Variants in LYPD6 observed in about 807,000 individuals in gnomAD.
LYPD6 encodes ly6/PLAUR domain-containing protein 6.
Under a neutral mutation model 22.7 loss-of-function variants are expected in LYPD6, and 15 were observed. The ratio of observed to expected loss-of-function variants is 0.66; its 90% CI spans 0.44 to 1.02. The LOEUF (loss-of-function observed/expected upper bound fraction) is 1.02, where lower values mean the gene tolerates loss of function less well. LYPD6 is among the 50% of genes least tolerant of loss of function. LYPD6 has a pLI of 0.00. For synonymous variants in LYPD6, 72 were observed against 77.5 expected (o/e 0.93, Z 0.37); for missense variants, 189 against 208.4 (o/e 0.91, Z 0.57).
At chr2:149,333,930 G>C (rs1174334840) in intron 1 of LYPD6, among the ~76,000 whole-genome samples, 1 of 152,160 alleles carries the variant, frequency 6.6e-6, no homozygotes, top group East Asian at 1.9e-4. Context: ...AGTATAATCA[G>C]TCTCTAAAAG....
chr2:149,459,243 A>G (rs1234429817), intron 3 of LYPD6, among the ~76,000 whole-genome samples: 1 of 152,206 alleles, frequency 6.6e-6, no homozygotes, highest in Non-Finnish European at 1.5e-5. Context: ...CAATGGTACA[A>G]TATTTTCCAA....
intron 1 of LYPD6, among the ~76,000 whole-genome samples, chr2:149,432,406 G>C (rs1236903264): frequency 6.6e-6 from 1 of 151,730 alleles, no homozygotes. Context: ...AGAAACCTCA[G>C]ATTTCTGTGC....
At chr2:149,464,603 A>G (rs1488327530) in intron 3 of LYPD6, 3 of 152,810 alleles carry the variant, frequency 2.0e-5, no homozygotes, top group African/African-American at 4.8e-5. Flanking sequence ...AGAGAGAGCA[A>G]TGGCCTATTC....
rs373904602 is a variant in LYPD6 at position 149,417,062 on chromosome 2, G to A, written c.-71-20576G>A. Among the ~76,000 whole-genome samples the A allele has an allele frequency of 8.2e-4, 125 of 152,264 alleles. 1 individual carries two copies. The highest frequency in any genetic ancestry group is 2.8e-3 in the African/African-American group (118 of 41,556). ...GGCTGGGGCTCTGCTGGGTGTGAGTGCCTTTATGACTGGGCATGCCCAATA... is the reference window on the plus strand; with the variant it reads ...GGCTGGGGCTCTGCTGGGTGTGAGTACCTTTATGACTGGGCATGCCCAATA... On this transcript the variant is annotated intron_variant, in intron 1 of 4. Coordinates refer to ENST00000334166, the MANE Select transcript of LYPD6 (RefSeq NM_194317.5).
chr2:149,475,343 T>C (rs1681432398), downstream of LYPD6, among the ~76,000 whole-genome samples: 2 of 152,176 alleles, frequency 1.3e-5, no homozygotes, highest in Non-Finnish European at 1.5e-5. Flanking sequence ...GCACAGGAAC[T>C]TGGGGCAGGA....
intron 3 of LYPD6, among the ~76,000 whole-genome samples, chr2:149,454,796 A>G (rs1475669158): frequency 1.3e-5 from 2 of 152,186 alleles, no homozygotes; most frequent in Non-Finnish European, 2.9e-5. Flanking sequence ...TGACATTTTT[A>G]AAGTGCTGAA....
intron 1 of LYPD6, among the ~76,000 whole-genome samples, chr2:149,415,564 TCA>T (rs1682943854): frequency 6.6e-6 from 1 of 151,446 alleles, no homozygotes; most frequent in African/African-American, 2.4e-5. Context: ...TGGAGAGCTA[TCA>T]GACTGCAATG....
intron 4 of LYPD6, 59 bp downstream of exon 4, chr2:149,468,834 T>G (rs1012443491): frequency 4.4e-6 from 7 of 1,582,990 alleles, no homozygotes; most frequent in Non-Finnish European, 6.0e-6. Flanking sequence ...TCTTCAGACA[T>G]CTGCCAGTAC....
chr2:149,392,189 C>T (rs998626135), intron 1 of LYPD6, among the ~76,000 whole-genome samples: 1 of 152,170 alleles, frequency 6.6e-6, no homozygotes, highest in East Asian at 1.9e-4. Context: ...GAGTCCTACT[C>T]TCCTGAACTC....
intron 1 of LYPD6, among the ~76,000 whole-genome samples, chr2:149,344,184 C>G (rs1316677001): frequency 4.6e-5 from 7 of 152,300 alleles, no homozygotes; most frequent in Non-Finnish European, 1.0e-4. Context: ...TAGCCAGCCC[C>G]CTTGCCTCTT....
intron 1 of LYPD6, among the ~76,000 whole-genome samples, chr2:149,369,173 A>T (rs1444723877): frequency 1.3e-5 from 2 of 152,030 alleles, no homozygotes; most frequent in Admixed American, 1.3e-4. Flanking sequence ...GAGTGGTATG[A>T]TAATCAAGGT....
At chr2:149,359,598 C>A (rs1031818863) in intron 1 of LYPD6, among the ~76,000 whole-genome samples, 109 of 152,312 alleles carry the variant, frequency 7.2e-4, no homozygotes, top group African/African-American at 2.6e-3. Context: ...AGTGACTTGA[C>A]ATCACAAGGC....
intron 3 of LYPD6, among the ~76,000 whole-genome samples, chr2:149,456,971 G>A (rs1680971670): frequency 6.6e-6 from 1 of 152,068 alleles, no homozygotes; most frequent in Non-Finnish European, 1.5e-5. Context: ...GTTGTAATCC[G>A]TTCATTCTCA....
intron 1 of LYPD6, among the ~76,000 whole-genome samples, chr2:149,338,946 T>C (rs1236222216): frequency 6.6e-6 from 1 of 152,138 alleles, no homozygotes; most frequent in Non-Finnish European, 1.5e-5. Flanking sequence ...GCAACCCTTA[T>C]TGTCATTTTC....
At chr2:149,416,625 G>T (rs752269549) in intron 1 of LYPD6, among the ~76,000 whole-genome samples, 2 of 152,136 alleles carry the variant, frequency 1.3e-5, no homozygotes, top group Admixed American at 1.3e-4. Context: ...CCCTTACAAC[G>T]CCCAGAGTTT....
At chr2:149,476,727 C>A (rs771885201), downstream of LYPD6, among the ~76,000 whole-genome samples, 1 of 152,338 alleles carries the variant, frequency 6.6e-6, no homozygotes, top group Non-Finnish European at 1.5e-5. Flanking sequence ...TGCTCCTCTT[C>A]CATCTACAGA....
At chr2:149,424,514 A>G (rs1054639595) in intron 1 of LYPD6, among the ~76,000 whole-genome samples, 1 of 152,238 alleles carries the variant, frequency 6.6e-6, no homozygotes, top group Admixed American at 6.5e-5. Context: ...GTCAAAATAC[A>G]AAGCCCATTC....
chr2:149,469,035 A>C (rs10931995), intron 4 of LYPD6, among the ~76,000 whole-genome samples: 15,932 of 152,276 alleles, frequency 0.1, 1,012 homozygotes, highest in African/African-American at 0.17. Context: ...TTCTTCACTC[A>C]GAGGAAAGTA....
chr2:149,332,359 T>C (rs1403432434), intron 1 of LYPD6, among the ~76,000 whole-genome samples: 1 of 152,258 alleles, frequency 6.6e-6, no homozygotes, highest in Non-Finnish European at 1.5e-5. Flanking sequence ...TTGATGAAGC[T>C]ACACTCTCAA....
Sources: gnomAD v4.1 joint callset for allele counts (sites outside exome capture counted in the v4.1 genomes callset) on GRCh38, gnomAD v4.1.1 for gene constraint, MANE v1.5 for transcripts, NCBI Gene and HGNC (gene_info 2026-07-23, HGNC 2026-07-21) for gene names.